Variants in CPAMD8 observed in about 807,000 individuals in gnomAD.
CPAMD8 encodes C3 and PZP-like alpha-2-macroglobulin domain-containing protein 8.
CPAMD8 carries 146 observed loss-of-function variants against 224.7 expected under a neutral mutation model. The ratio of observed to expected loss-of-function variants is 0.65; its 90% CI spans 0.57 to 0.75. The LOEUF is 0.75. Ranked by LOEUF, CPAMD8 falls within the 30% of genes least tolerant of loss-of-function variation. The probability of loss-of-function intolerance (pLI) is 0.00; values close to 1 mark genes in which losing one functional copy is unlikely to be tolerated. For synonymous variants in CPAMD8, 966 were observed against 1,044.6 expected, an observed-to-expected ratio of 0.92 and a Z score of 1.45; for missense variants, 2,301 against 2,537.5, an observed-to-expected ratio of 0.91 and a Z score of 2.00.
Position 16,898,160 on chromosome 19 carries a change from C to G in CPAMD8, c.4849-166G>C. 1 of 473,798 alleles carries G rather than the reference C, an allele frequency of 2.1e-6. No individual in the cohort carries two copies. The highest frequency in any genetic ancestry group is 3.7e-6 in the Non-Finnish European group (1 of 267,406). The allele number at this position is 473,798 out of a possible 1,614,324, so 29.3% of individuals were successfully genotyped here. On this transcript the variant is annotated intron_variant, in intron 37 of 41. Coordinates refer to ENST00000443236, the MANE Select transcript of CPAMD8 (RefSeq NM_015692.5). This position sits in a 1 kb window ranked among gnomAD's most constrained non-coding sequence, Gnocchi z 4.2. ...TTTACTTTTCTTTTTTTTTTTTTTT[C>G]CTGAGACAGAGTCTCGCGCTGTTGC...
At chr19:16,971,457 A>G (rs1288197957) in intron 17 of CPAMD8, among the ~76,000 whole-genome samples, 4 of 152,070 alleles carry the variant, frequency 2.6e-5, no homozygotes, top group Admixed American at 2.6e-4. Context: ...GCACATTTGA[A>G]CTGTGCAACC....
intron 18 of CPAMD8, among the ~76,000 whole-genome samples, chr19:16,969,732 T>TA (rs1363231903): frequency 6.6e-6 from 1 of 151,548 alleles, no homozygotes; most frequent in Admixed American, 6.6e-5. Context: ...ATACAAAAAT[T>TA]AGCTGGGCAT....
intron 23 of CPAMD8, among the ~76,000 whole-genome samples, chr19:16,932,556 A>G (rs1180445828): frequency 6.8e-6 from 1 of 148,112 alleles, no homozygotes; most frequent in African/African-American, 2.7e-5. Context: ...TCATTAAATG[A>G]AATACAAAAT....
intron 26 of CPAMD8, 42 bp from the exon 27 acceptor site, chr19:16,922,028 TG>T: frequency 7.0e-7 from 1 of 1,437,040 alleles, no homozygotes. Flanking sequence ...TTGAGTGGCC[TG>T]GCCCAGGCCC....
chr19:16,977,631 G>A (rs1028426212), intron 14 of CPAMD8, 91 bp from the exon 15 acceptor site: 39 of 941,832 alleles, frequency 4.1e-5, no homozygotes, highest in East Asian at 1.6e-4. Context: ...TTTGCCCTGC[G>A]CTATGCTCCT....
chr19:17,016,316 G>A (rs1422910751), intron 3 of CPAMD8, among the ~76,000 whole-genome samples: 1 of 152,114 alleles, frequency 6.6e-6, no homozygotes, highest in Non-Finnish European at 1.5e-5. Context: ...AGAGCCCTTG[G>A]CCCCTCTCCC....
chr19:16,957,738 G>T, intron 19 of CPAMD8, 115 bp downstream of exon 19: 1 of 922,872 alleles, frequency 1.1e-6, no homozygotes. Flanking sequence ...GATGCACAGT[G>T]TCTTGCTCAG....
chr19:16,914,719 G>T lies in CPAMD8; in HGVS notation c.3724C>A (p.Gln1242Lys). 1 of 1,614,112 alleles carries T rather than the reference G, an allele frequency of 6.2e-7. No individual in the cohort carries two copies. The highest frequency in any genetic ancestry group is 8.5e-7 in the Non-Finnish European group (1 of 1,179,986). Residue 1242 changes from glutamine (Q) to lysine (K), a missense_variant, in exon 28 of 42, where the codon CAG (glutamine) becomes AAG (lysine). Coordinates refer to ENST00000443236, the MANE Select transcript of CPAMD8 (RefSeq NM_015692.5). ...AAGGAGCCATCGGCCTGCTGCTGCT[G>T]GATGATCCAGCTCTTGGCGGCAGCC... is the stretch of plus-strand genomic sequence containing the variant. Reference protein sequence around the residue: ...ELAAAKSWIIQQQQADGSFLA... With the variant: ...ELAAAKSWIIKQQQADGSFLA...
At chr19:16,941,444 T>C (rs1398561488) in intron 22 of CPAMD8, among the ~76,000 whole-genome samples, 5 of 152,222 alleles carry the variant, frequency 3.3e-5, no homozygotes, top group Non-Finnish European at 7.3e-5. Context: ...CCACATGTTG[T>C]ATGATTCCAT....
intron 1 of CPAMD8, among the ~76,000 whole-genome samples, chr19:17,026,235 T>C (rs370685432): frequency 1.3e-5 from 2 of 152,206 alleles, no homozygotes; most frequent in South Asian, 2.1e-4. Context: ...GCCAAGACGC[T>C]CCTCTTACCT....
chr19:16,932,132 T>C (rs1412427707), intron 23 of CPAMD8, among the ~76,000 whole-genome samples: 1 of 152,128 alleles, frequency 6.6e-6, no homozygotes, highest in African/African-American at 2.4e-5. Context: ...GAAAAATAAT[T>C]CAAAATAATG....
At chr19:16,989,905 C>CA in intron 12 of CPAMD8, 134 bp from the exon 13 acceptor site, 1 of 823,550 alleles carries the variant, frequency 1.2e-6, no homozygotes. Flanking sequence ...ACCCCCTCCC[C>CA]AATCCTCAGG....
chr19:16,972,149 T>C (rs1467859681), intron 17 of CPAMD8, among the ~76,000 whole-genome samples: 2 of 152,102 alleles, frequency 1.3e-5, no homozygotes, highest in Non-Finnish European at 2.9e-5. Context: ...AACGGTGGGA[T>C]GCAATGATCT....
intron 22 of CPAMD8, among the ~76,000 whole-genome samples, chr19:16,940,773 G>A (rs1392551057): frequency 1.3e-5 from 2 of 152,136 alleles, no homozygotes; most frequent in African/African-American, 2.4e-5. Context: ...TAGGCCCGAT[G>A]TGGCACCCAC....
intron 23 of CPAMD8, among the ~76,000 whole-genome samples, chr19:16,938,123 T>TCCTGTGTATTCATTCCCTGCGTATTC (rs1464893309): frequency 7.2e-4 from 109 of 152,268 alleles, no homozygotes; most frequent in African/African-American, 2.5e-3. Context: ...CAGTGCACAT[T>TCCTGTGTATTCATTCCCTGCGTATTC]CCTGTGTATT....
At position 16,907,101 on chromosome 19, in the gene CPAMD8, G is replaced by A; in HGVS notation, c.3878C>T (p.Thr1293Ile). 2.5e-6 allele frequency: 4 copies of A among 1,569,330 alleles called. No homozygotes were observed. The highest frequency in any genetic ancestry group is 3.5e-6 in the Non-Finnish European group (4 of 1,155,304). The change falls in exon 30 of 42, where the codon ACT (threonine) becomes ATT (isoleucine). Residue 1293 changes from threonine to isoleucine, a missense_variant. Physicochemically the swap from Thr to Ile is moderately conservative, Grantham distance 89. Coordinates refer to ENST00000443236, the MANE Select transcript of CPAMD8 (RefSeq NM_015692.5). ...GTASEEERGSTDKARHFLESA... is the reference protein window; with the variant it reads ...GTASEEERGSIDKARHFLESA... ...CTCCAGGAAGTGCCTCGCTTTGTCAGTGGAGCCTCTCTCCTCCTGCAGGGT... is the reference window on the plus strand; with the variant it reads ...CTCCAGGAAGTGCCTCGCTTTGTCAATGGAGCCTCTCTCCTCCTGCAGGGT...
chr19:17,026,027 G>A (rs2057071980), intron 1 of CPAMD8, among the ~76,000 whole-genome samples: 1 of 152,122 alleles, frequency 6.6e-6, no homozygotes, highest in Non-Finnish European at 1.5e-5. Flanking sequence ...AACTTGCCAG[G>A]TTTAGAAATA....
At chr19:16,968,926 C>T (rs1347209376) in intron 18 of CPAMD8, among the ~76,000 whole-genome samples, 1 of 152,176 alleles carries the variant, frequency 6.6e-6, no homozygotes, top group African/African-American at 2.4e-5. Flanking sequence ...GCATGAGCCA[C>T]TGTGCCCAGC....
chr19:17,008,175 TAAAA>T (rs551852519), intron 7 of CPAMD8, among the ~76,000 whole-genome samples: 255 of 152,064 alleles, frequency 1.7e-3, no homozygotes, highest in Non-Finnish European at 2.9e-3. Context: ...TCTCAAAAAA[TAAAA>T]AACAAGGTGA....
Sources: allele counts gnomAD v4.1 joint callset (sites outside exome capture counted in the v4.1 genomes callset), GRCh38; gene constraint gnomAD v4.1.1; non-coding constraint Gnocchi (gnomAD v3.1); transcripts MANE v1.5; gene names NCBI Gene and HGNC (gene_info 2026-07-23, HGNC 2026-07-21).